The following EFNA5 variants were observed in gnomAD, a reference collection of about 807,000 sequenced individuals.
EFNA5 encodes the protein ephrin A5, also known as ephrin-A5.
In EFNA5, 5 loss-of-function variants were observed where a neutral mutation model predicts 22.9. The observed-to-expected ratio is 0.22, with a 90% CI of 0.11 to 0.46. The LOEUF is 0.46. EFNA5 is among the 20% of genes least tolerant of loss of function. EFNA5 has a pLI of 0.99. For synonymous variants in EFNA5, 113 were observed against 112.2 expected, an observed-to-expected ratio of 1.01 and a Z score of -0.04; for missense variants, 237 against 293.3, an observed-to-expected ratio of 0.81 and a Z score of 1.40.
chr5:107,391,378 G>A (rs777409318), intron 2 of EFNA5, among the ~76,000 whole-genome samples: 6 of 152,164 alleles, frequency 3.9e-5, no homozygotes, highest in Non-Finnish European at 7.3e-5. Context: ...GGGAGCAAGA[G>A]TGTGTCCCAG....
intron 1 of EFNA5, among the ~76,000 whole-genome samples, chr5:107,447,582 G>A (rs771323034): frequency 2.6e-5 from 4 of 152,168 alleles, no homozygotes; most frequent in Non-Finnish European, 4.4e-5. Flanking sequence ...TGCTATAAAT[G>A]TAAGAGAAAC....
intron 1 of EFNA5, among the ~76,000 whole-genome samples, chr5:107,655,479 T>A (rs2112556126): frequency 6.6e-6 from 1 of 152,248 alleles, no homozygotes. Context: ...TTGGTATGGC[T>A]TATGTTAGAC....
intron 1 of EFNA5, among the ~76,000 whole-genome samples, chr5:107,638,753 C>T (rs1024788492): frequency 2.0e-5 from 3 of 152,110 alleles, no homozygotes; most frequent in Non-Finnish European, 4.4e-5. Flanking sequence ...CAATCCTCCA[C>T]GGATACCGAG....
chr5:107,635,927 C>T (rs1331180344), intron 1 of EFNA5, among the ~76,000 whole-genome samples: 8 of 152,182 alleles, frequency 5.3e-5, no homozygotes, highest in Non-Finnish European at 8.8e-5. Context: ...ACAGTTAAAC[C>T]TAAGGGACAT....
At chr5:107,394,776 T>C (rs1408856949) in intron 2 of EFNA5, among the ~76,000 whole-genome samples, 1 of 152,200 alleles carries the variant, frequency 6.6e-6, no homozygotes, top group African/African-American at 2.4e-5. Flanking sequence ...AGTAAATGGC[T>C]GAGGACAAGT....
At chr5:107,638,856 ATAAG>A (rs762095788) in intron 1 of EFNA5, among the ~76,000 whole-genome samples, 7 of 152,204 alleles carry the variant, frequency 4.6e-5, no homozygotes, top group Admixed American at 6.5e-5. Context: ...ACACAAAAAA[ATAAG>A]TATGTGAACT....
chr5:107,575,570 G>A (rs778241840), intron 1 of EFNA5, among the ~76,000 whole-genome samples: 3 of 151,824 alleles, frequency 2.0e-5, no homozygotes, highest in Non-Finnish European at 4.4e-5. Context: ...GGTAGATGTA[G>A]CTTGGATTTT....
intron 1 of EFNA5, among the ~76,000 whole-genome samples, chr5:107,570,345 G>A (rs1414163643): frequency 2.6e-5 from 4 of 152,138 alleles, no homozygotes; most frequent in Non-Finnish European, 5.9e-5. Flanking sequence ...TGCTGCCTCC[G>A]GAAACCTCAC....
intron 1 of EFNA5, among the ~76,000 whole-genome samples, chr5:107,503,183 G>T (rs1747174557): frequency 6.6e-6 from 1 of 152,110 alleles, no homozygotes. Context: ...TACTATGCAG[G>T]ATCGTTTCCC....
At position 107,588,869 on chromosome 5, in the gene EFNA5, G is replaced by A. The variant is rs145936667; in HGVS notation, c.125+81620C>T. The stretch of plus-strand genomic sequence containing the variant: ...TATCTTTTGCACAAACATCAATTAC[G>A]TCTAGTAATTTAGCTGATTCCTCTC... On this transcript the variant is annotated intron_variant, in intron 1 of 4. Transcript: ENST00000333274. 3.4e-4 allele frequency among the ~76,000 whole-genome samples: 52 copies of A among 152,250 alleles called. No individual in the cohort carries two copies. In the East Asian group the frequency reaches 8.1e-3, roughly 24 times the overall value.
intron 2 of EFNA5, among the ~76,000 whole-genome samples, chr5:107,416,258 C>T (rs896022507): frequency 2.0e-5 from 3 of 152,184 alleles, no homozygotes; most frequent in African/African-American, 7.2e-5. Flanking sequence ...ACAGGGTCTA[C>T]CTAAGTTCCA....
At chr5:107,662,335 T>G (rs1024498069) in intron 1 of EFNA5, among the ~76,000 whole-genome samples, 1 of 152,180 alleles carries the variant, frequency 6.6e-6, no homozygotes, top group African/African-American at 2.4e-5. Flanking sequence ...ATAAGTAATA[T>G]TTCACTGTGC....
intron 1 of EFNA5, among the ~76,000 whole-genome samples, chr5:107,640,845 G>A (rs956838762): frequency 7.9e-5 from 12 of 152,116 alleles, no homozygotes; most frequent in Admixed American, 7.9e-4. Context: ...AAACAACCTG[G>A]GTGTCTCTCC....
At chr5:107,428,316 A>G (rs1748859157) in intron 1 of EFNA5, among the ~76,000 whole-genome samples, 1 of 152,222 alleles carries the variant, frequency 6.6e-6, no homozygotes, top group Non-Finnish European at 1.5e-5. Flanking sequence ...GTCATGTTCT[A>G]GAGCTGGGCT....
At chr5:107,485,803 C>G (rs918119509) in intron 1 of EFNA5, among the ~76,000 whole-genome samples, 2 of 152,160 alleles carry the variant, frequency 1.3e-5, no homozygotes, top group Admixed American at 6.5e-5. Context: ...ATAAAGTTCT[C>G]CACGGGTCTC....
rs1747405117 is a variant in EFNA5 at position 107,380,366 on chromosome 5, G to T, written c.*889C>A. ...ACTTTATTCATAAAAATGCCTCTTT[G>T]AGTTTCTTAAAAAAAAAAAAAAAAA... On this transcript the variant is annotated 3_prime_UTR_variant, in exon 5 of 5. Coordinates refer to ENST00000333274, the MANE Select transcript of EFNA5 (RefSeq NM_001962.3). 2.6e-5 allele frequency: 2 copies of T among 76,280 alleles called. No homozygotes were observed. The highest frequency in any genetic ancestry group is 2.3e-5 in the Non-Finnish European group (1 of 44,010). The allele number at this position is 76,280 out of a possible 1,614,324, so 4.7% of individuals were successfully genotyped here.
chr5:107,652,967 T>C (rs1186531175), intron 1 of EFNA5, among the ~76,000 whole-genome samples: 3 of 152,020 alleles, frequency 2.0e-5, no homozygotes, highest in Admixed American at 2.0e-4. Context: ...AAATGGCATA[T>C]GGTTCTCCCT....
In EFNA5 at chr5:107,625,785, C is replaced by T. The variant is rs2112532257; in HGVS notation, c.125+44704G>A. Among the ~76,000 whole-genome samples the T allele has an allele frequency of 2.0e-5, 3 of 152,298 alleles. 1 individual carries two copies. In the South Asian group the frequency reaches 6.2e-4, roughly 32 times the overall value. ...TGATTTTCATCTTTCTCCTCAGCTA[C>T]CCCTAAATTAAATTAGTCTTATTGA... On this transcript the variant is annotated intron_variant, in intron 1 of 4. Coordinates refer to ENST00000333274, the MANE Select transcript of EFNA5 (RefSeq NM_001962.3).
rs372697970 is a variant in EFNA5 at position 107,600,246 on chromosome 5, T to C, written c.125+70243A>G. ...GTAAGATTTCACAGAGCTATGTGAATAGATAGAACAGTGGCACAGAAGCTG... is the reference window on the plus strand; with the variant it reads ...GTAAGATTTCACAGAGCTATGTGAACAGATAGAACAGTGGCACAGAAGCTG... On this transcript the variant is annotated intron_variant, in intron 1 of 4. Transcript: ENST00000333274. Among the ~76,000 whole-genome samples the C allele has an allele frequency of 3.9e-5, 6 of 152,274 alleles. No individual in the cohort carries two copies. The East Asian group carries it at 7.7e-4, about 20-fold the overall frequency.
Sources: gnomAD v4.1 joint callset for allele counts (sites outside exome capture counted in the v4.1 genomes callset) on GRCh38, gnomAD v4.1.1 for gene constraint, MANE v1.5 for transcripts, NCBI Gene and HGNC (gene_info 2026-07-23, HGNC 2026-07-21) for gene names.